Variants in CLEC2D observed in about 807,000 individuals in gnomAD.
CLEC2D encodes the protein C-type lectin domain family 2 member D, also known as C-type lectin related f.
A neutral mutation model predicts 20.0 loss-of-function variants in CLEC2D; 16 were observed. The observed-to-expected ratio is 0.80, with a 90% CI of 0.54 to 1.22. The LOEUF (loss-of-function observed/expected upper bound fraction) is 1.22, where lower values mean the gene tolerates loss of function less well. Ranked by LOEUF, CLEC2D falls within the 50% of genes most tolerant of loss-of-function variation. CLEC2D has a pLI of 0.00. For synonymous variants in CLEC2D, 77 were observed against 71.1 expected (o/e 1.08, Z -0.42); for missense variants, 207 against 221.5 (o/e 0.93, Z 0.42).
chr12:9,672,221 C>G (rs868713999), intron 1 of CLEC2D, among the ~76,000 whole-genome samples: 3 of 152,276 alleles, frequency 2.0e-5, no homozygotes, highest in Admixed American at 6.5e-5. Flanking sequence ...ATAACAAATC[C>G]ACTTTCGTGA....
intron 2 of CLEC2D, among the ~76,000 whole-genome samples, chr12:9,686,504 T>C (rs1865753247): frequency 6.6e-6 from 1 of 152,164 alleles, no homozygotes; most frequent in Non-Finnish European, 1.5e-5. Context: ...TTATGATTTG[T>C]TATTCAGATT....
At chr12:9,693,354 T>C in intron 4 of CLEC2D, 1 of 344,588 alleles carries the variant, frequency 2.9e-6, no homozygotes, top group Non-Finnish European at 5.2e-6. Context: ...ACAATAGTTT[T>C]AAAATTTTAA....
chr12:9,696,199 C>G lies in CLEC2D; in HGVS notation c.*1325C>G, dbSNP rs188955111. 19 of 858,304 alleles carry G rather than the reference C, an allele frequency of 2.2e-5. No individual in the cohort carries two copies. In the African/African-American group the frequency reaches 2.5e-4, roughly 11 times the overall value. The allele number at this position is 858,304 out of a possible 1,614,324, so 53.2% of individuals were successfully genotyped here. A position where few individuals can be genotyped will look rare whatever the true frequency, so the allele number is the denominator to read the frequency against. Reference sequence around the variant, plus strand: ...CTGGATGACTGACCAAGAGGCTATTCAAGATCTCTGGCAGTGGAGGAAGTC... The same window carrying G: ...CTGGATGACTGACCAAGAGGCTATTGAAGATCTCTGGCAGTGGAGGAAGTC... On this transcript the variant is annotated 3_prime_UTR_variant, in exon 5 of 5. Coordinates refer to ENST00000290855, the MANE Select transcript of CLEC2D (RefSeq NM_013269.6).
At chr12:9,679,348 T>G (rs1168832589) in intron 1 of CLEC2D, among the ~76,000 whole-genome samples, 2 of 152,114 alleles carry the variant, frequency 1.3e-5, no homozygotes, top group African/African-American at 2.4e-5. Context: ...AACTTTTTTG[T>G]TTTTTGATAT....
At chr12:9,670,890 T>C (rs12817365) in intron 1 of CLEC2D, among the ~76,000 whole-genome samples, 8,999 of 152,208 alleles carry the variant, frequency 0.059, 319 homozygotes, top group Non-Finnish European at 0.084. Flanking sequence ...TTAGCATCTT[T>C]AGTGTGCCAA....
intron 1 of CLEC2D, among the ~76,000 whole-genome samples, chr12:9,679,915 TATAAC>T (rs1865599855): frequency 6.6e-6 from 1 of 152,184 alleles, no homozygotes; most frequent in Non-Finnish European, 1.5e-5. Context: ...CATTTTGAAA[TATAAC>T]ACAACTACAG....
chr12:9,696,543 TAAAGTAAAAAA>T lies in CLEC2D; in HGVS notation c.*1673_*1683del, dbSNP rs772269955. 1 of 118,852 alleles carries T rather than the reference TAAAGTAAAAAA, an allele frequency of 8.4e-6. No homozygotes were observed. The highest frequency in any genetic ancestry group is 1.6e-5 in the Non-Finnish European group (1 of 60,876). The allele number at this position is 118,852 out of a possible 1,614,324, so 7.4% of individuals were successfully genotyped here. A position where few individuals can be genotyped will look rare whatever the true frequency, so the allele number is the denominator to read the frequency against. ...CGTGAAATAAAACTCAGTATTTTAA[TAAAGTAAAAAA>T]AAAAAAAAAGGTATGGGGAAAACTG... On this transcript the variant is annotated 3_prime_UTR_variant, in exon 5 of 5. Coordinates refer to ENST00000290855, the MANE Select transcript of CLEC2D (RefSeq NM_013269.6).
intron 1 of CLEC2D, among the ~76,000 whole-genome samples, chr12:9,671,480 A>G (rs894508189): frequency 5.9e-5 from 9 of 152,016 alleles, no homozygotes; most frequent in African/African-American, 2.2e-4. Context: ...TCGGCCTCCC[A>G]AACTGCTGGG....
At chr12:9,677,707 C>CTTTTTTTTTTTTTTTTT (rs36120151) in intron 1 of CLEC2D, among the ~76,000 whole-genome samples, 32 of 122,396 alleles carry the variant, frequency 2.6e-4, no homozygotes, top group Non-Finnish European at 3.1e-4. Context: ...TTCTTTCTTT[C>CTTTTTTTTTTTTTTTTT]TTTTTTTTTT....
chr12:9,690,848 CATATAAG>C (rs1865846208), intron 3 of CLEC2D, among the ~76,000 whole-genome samples: 2 of 151,864 alleles, frequency 1.3e-5, no homozygotes, highest in Admixed American at 6.6e-5. Flanking sequence ...GAAACAAAGA[CATATAAG>C]ATATAGAGAA....
In CLEC2D at chr12:9,696,593, A is replaced by G. The variant is rs139917713; in HGVS notation, c.*1719A>G. ...TGGGGAAAACTGCCCCCATAAAGCA[A>G]TTGTCTCCACCTGGCCCTGCCCTTT... On this transcript the variant is annotated 3_prime_UTR_variant, in exon 5 of 5. Coordinates refer to ENST00000290855, the MANE Select transcript of CLEC2D (RefSeq NM_013269.6). 19 of 200,174 alleles carry G rather than the reference A, an allele frequency of 9.5e-5. No homozygotes were observed. In the East Asian group the frequency reaches 1.3e-3, roughly 13 times the overall value. 12.4% of individuals were successfully genotyped at this position (200,174 alleles called of 1,614,324 possible). A position where few individuals can be genotyped will look rare whatever the true frequency, so the allele number is the denominator to read the frequency against.
chr12:9,680,232 CT>C, intron 1 of CLEC2D: 1 of 337,584 alleles, frequency 3.0e-6, no homozygotes, highest in South Asian at 2.4e-5. Flanking sequence ...AACACGTTTG[CT>C]TCCTCTTCCA....
chr12:9,695,041 T>C lies in CLEC2D; in HGVS notation c.*167T>C. ...ATCAAAATCATAGTAAAATATTACC[T>C]GTTTTCATGGTGCTAATATTACCTG... On this transcript the variant is annotated 3_prime_UTR_variant, in exon 5 of 5. Coordinates refer to ENST00000290855, the MANE Select transcript of CLEC2D (RefSeq NM_013269.6). 1 of 594,072 alleles carries C rather than the reference T, an allele frequency of 1.7e-6. No individual in the cohort carries two copies. The highest frequency in any genetic ancestry group is 3.0e-6 in the Non-Finnish European group (1 of 333,054). The allele number at this position is 594,072 out of a possible 1,614,324, so 36.8% of individuals were successfully genotyped here. A position where few individuals can be genotyped will look rare whatever the true frequency, so the allele number is the denominator to read the frequency against.
At chr12:9,686,868 A>G (rs973919405) in intron 2 of CLEC2D, among the ~76,000 whole-genome samples, 5 of 152,212 alleles carry the variant, frequency 3.3e-5, no homozygotes, top group African/African-American at 1.2e-4. Context: ...AGTGGAAGGA[A>G]GTTCACTGTA....
intron 1 of CLEC2D, among the ~76,000 whole-genome samples, chr12:9,676,550 T>G (rs1015599959): frequency 6.6e-6 from 1 of 152,196 alleles, no homozygotes; most frequent in African/African-American, 2.4e-5. Context: ...ATAATTCTTT[T>G]TATACATCAT....
At chr12:9,674,891 A>G (rs7969074) in intron 1 of CLEC2D, among the ~76,000 whole-genome samples, 9,008 of 152,256 alleles carry the variant, frequency 0.059, 318 homozygotes, top group Non-Finnish European at 0.084. Context: ...ACCATACCCA[A>G]AGTTATCTAG....
chr12:9,680,088 A>T (rs1865603202), intron 1 of CLEC2D: 1 of 157,514 alleles, frequency 6.3e-6, no homozygotes, highest in South Asian at 1.7e-4. Context: ...AGTGGGAGAT[A>T]ACTGAATCAT....
chr12:9,678,548 CTTCTT>C (rs756225845), intron 1 of CLEC2D, among the ~76,000 whole-genome samples: 6 of 151,842 alleles, frequency 4.0e-5, no homozygotes, highest in Non-Finnish European at 7.4e-5. Flanking sequence ...TTTTCATTCT[CTTCTT>C]TTCAGAGACT....
In CLEC2D at chr12:9,692,788, A is replaced by T. The variant is rs11052468; in HGVS notation, c.358-40A>T. 6,095 of 1,361,540 alleles carry T rather than the reference A, an allele frequency of 4.5e-3. 226 individuals carry two copies. In the African/African-American group the frequency reaches 0.078, roughly 18 times the overall value. The allele number at this position is 1,361,540 out of a possible 1,614,324, so 84.3% of individuals were successfully genotyped here. ...CAACATTTCTGGGAGAGGATGGGTT[A>T]TGTTAGATTAATGAATATCATCTCT... On this transcript the variant is annotated intron_variant, in intron 3 of 4. Transcript: ENST00000290855.
Sources: allele counts gnomAD v4.1 joint callset (sites outside exome capture counted in the v4.1 genomes callset), GRCh38; gene constraint gnomAD v4.1.1; transcripts MANE v1.5; gene names NCBI Gene and HGNC (gene_info 2026-07-23, HGNC 2026-07-21).